Variants in CCDC158 observed in about 807,000 individuals in gnomAD.
CCDC158 encodes coiled-coil domain containing 158.
A neutral mutation model predicts 138.6 loss-of-function variants in CCDC158; 116 were observed. The observed-to-expected ratio is 0.84, with a 90% CI of 0.72 to 0.98. The LOEUF is 0.98. Among genes scored for constraint, CCDC158 ranks in the 50% least tolerant of loss-of-function variants. The pLI is 0.00. For missense variants in CCDC158, 1,265 were observed against 1,306.1 expected, an observed-to-expected ratio of 0.97 and a Z score of 0.48; for synonymous variants, 436 against 442.4, an observed-to-expected ratio of 0.99 and a Z score of 0.18.
intron 9 of CCDC158, among the ~76,000 whole-genome samples, chr4:76,374,233 C>T (rs1161349779): frequency 6.6e-6 from 1 of 152,178 alleles, no homozygotes; most frequent in South Asian, 2.1e-4. Flanking sequence ...CATAAAAATT[C>T]AAGCTCTGTA....
At chr4:76,333,964 C>G in intron 19 of CCDC158, 46 bp downstream of exon 19, 1 of 1,414,014 alleles carries the variant, frequency 7.1e-7, no homozygotes, top group East Asian at 2.4e-5. Context: ...CAATGGCAAA[C>G]CATTCAAGAG....
At chr4:76,333,563 T>A (rs920012396) in intron 19 of CCDC158, among the ~76,000 whole-genome samples, 1 of 152,224 alleles carries the variant, frequency 6.6e-6, no homozygotes, top group Non-Finnish European at 1.5e-5. Flanking sequence ...AACGAAGTAT[T>A]TCCTATTATC....
At chr4:76,325,821 C>A (rs765955317) in intron 23 of CCDC158, 36 bp downstream of exon 23, 2 of 1,575,424 alleles carry the variant, frequency 1.3e-6, no homozygotes, top group South Asian at 1.2e-5. Context: ...TGTAGGAAAT[C>A]AATTAATCAC....
chr4:76,332,202 G>C (rs891316544), intron 20 of CCDC158, among the ~76,000 whole-genome samples: 2 of 152,088 alleles, frequency 1.3e-5, no homozygotes, highest in Non-Finnish European at 2.9e-5. Flanking sequence ...GCTTCATATG[G>C]ATAAACATCA....
intron 2 of CCDC158, 122 bp downstream of exon 2, chr4:76,411,968 T>A (rs1445563626): frequency 3.3e-5 from 5 of 152,192 alleles, no homozygotes; most frequent in Admixed American, 3.3e-4. Flanking sequence ...GGCCTAGGCA[T>A]CCATCAAATT....
At chr4:76,345,046 C>G in intron 18 of CCDC158, 1 of 1,362,330 alleles carries the variant, frequency 7.3e-7, no homozygotes, top group Non-Finnish European at 1.0e-6. Flanking sequence ...ATAGGATCAA[C>G]GATTCTTGTG....
rs1249531122 is a variant in CCDC158, at chr4:76,326,066, C to A, written c.3011-51G>T. Reference sequence around the variant, plus strand: ...AAAGGACAGAATTAATTAAAAATAGCAAACTGCACCTCTCAAAAAGTCAAG... The same window carrying A: ...AAAGGACAGAATTAATTAAAAATAGAAAACTGCACCTCTCAAAAAGTCAAG... On this transcript the variant is annotated intron_variant, in intron 22 of 24. Coordinates refer to ENST00000682701, the MANE Select transcript of CCDC158 (RefSeq NM_001394954.1). The A allele has an allele frequency of 5.7e-6, 8 of 1,405,474 alleles. No homozygotes were observed. The Admixed American group carries it at 1.4e-4, about 24-fold the overall frequency. The allele number at this position is 1,405,474 out of a possible 1,614,324, so 87.1% of individuals were successfully genotyped here. A position where few individuals can be genotyped will look rare whatever the true frequency, so the allele number is the denominator to read the frequency against.
intron 24 of CCDC158, among the ~76,000 whole-genome samples, chr4:76,314,880 C>T (rs982399722): frequency 1.3e-5 from 2 of 152,084 alleles, no homozygotes; most frequent in East Asian, 3.9e-4. Context: ...CTCTTTTGAG[C>T]GGAATCTGGG....
intron 2 of CCDC158, among the ~76,000 whole-genome samples, chr4:76,408,674 T>G (rs1416294319): frequency 6.6e-6 from 1 of 152,206 alleles, no homozygotes; most frequent in Non-Finnish European, 1.5e-5. Flanking sequence ...TATAGCCGCA[T>G]GATTTATAAT....
chr4:76,352,005 T>C (rs780637740), intron 16 of CCDC158, 193 bp from the exon 17 acceptor site: 12 of 479,912 alleles, frequency 2.5e-5, no homozygotes, highest in Non-Finnish European at 4.0e-5. Context: ...TTATCCTCTA[T>C]ACCCCCAGCA....
At chr4:76,337,002 ACAGAGTCTCATTCTTT>A (rs1287819416) in intron 18 of CCDC158, among the ~76,000 whole-genome samples, 1 of 151,932 alleles carries the variant, frequency 6.6e-6, no homozygotes, top group African/African-American at 2.4e-5. Context: ...TTCCTCTGAG[ACAGAGTCTCATTCTTT>A]CACCCAAACT....
intron 18 of CCDC158, among the ~76,000 whole-genome samples, chr4:76,338,867 T>C (rs1187164143): frequency 6.6e-6 from 1 of 152,120 alleles, no homozygotes; most frequent in Non-Finnish European, 1.5e-5. Context: ...AAAACAATCA[T>C]CACTGGAAAG....
At chr4:76,396,126 A>G (rs1727756541) in intron 4 of CCDC158, 143 bp downstream of exon 4, 2 of 484,112 alleles carry the variant, frequency 4.1e-6, no homozygotes, top group Non-Finnish European at 7.2e-6. Flanking sequence ...TAGAAGGCAC[A>G]GGTCAAATTA....
At chr4:76,399,341 C>T (rs189956650) in intron 3 of CCDC158, among the ~76,000 whole-genome samples, 5 of 152,226 alleles carry the variant, frequency 3.3e-5, no homozygotes, top group Admixed American at 1.3e-4. Flanking sequence ...CATCAGGATA[C>T]ATGGCTAATG....
rs561573677 is a variant in CCDC158 at position 76,376,883 on chromosome 4, G to A, written c.1029+2407C>T. On this transcript the variant is annotated intron_variant, in intron 9 of 24. Coordinates refer to ENST00000682701, the MANE Select transcript of CCDC158 (RefSeq NM_001394954.1). ...AAGCTGATATGCCCTCCTTATTTCC[G>A]TTAGCTCTTTACTATTTAAGACTGT... is the stretch of plus-strand genomic sequence containing the variant. Among the ~76,000 whole-genome samples, 4 of 152,188 alleles carry A rather than the reference G, an allele frequency of 2.6e-5. No individual in the cohort carries two copies. The East Asian group carries it at 5.8e-4, about 22-fold the overall frequency.
chr4:76,407,344 T>G (rs2109886749), intron 2 of CCDC158: 1 of 152,222 alleles, frequency 6.6e-6, no homozygotes. Flanking sequence ...TAGGGAGATA[T>G]TCCATAAAGA....
chr4:76,333,633 T>C (rs140241672), intron 19 of CCDC158, among the ~76,000 whole-genome samples: 35 of 152,326 alleles, frequency 2.3e-4, no homozygotes, highest in African/African-American at 8.4e-4. Flanking sequence ...ATTGAACTTG[T>C]GGCTGCAGAC....
chr4:76,414,008 A>C (rs969358181), intron 1 of CCDC158, among the ~76,000 whole-genome samples: 9 of 152,092 alleles, frequency 5.9e-5, no homozygotes, highest in African/African-American at 2.2e-4. Flanking sequence ...GTGGTGGCTC[A>C]AGTGATCCTT....
chr4:76,401,232 C>T, intron 3 of CCDC158: 1 of 382,110 alleles, frequency 2.6e-6, no homozygotes, highest in Admixed American at 2.8e-5. Context: ...ACTTCTTCGC[C>T]AGTAGCACTC....
Sources: gnomAD v4.1 joint callset for allele counts (sites outside exome capture counted in the v4.1 genomes callset) on GRCh38, gnomAD v4.1.1 for gene constraint, MANE v1.5 for transcripts, NCBI Gene and HGNC (gene_info 2026-07-23, HGNC 2026-07-21) for gene names.